The following CDKL1 variants were observed in gnomAD, a reference collection of about 807,000 sequenced individuals.
CDKL1 encodes cyclin-dependent kinase-like 1.
In CDKL1, 41 loss-of-function variants were observed where a neutral mutation model predicts 42.0. That is an observed-to-expected ratio of 0.98 (90% CI 0.76 to 1.27). The LOEUF is 1.27. Ranked by LOEUF, CDKL1 falls within the 50% of genes most tolerant of loss-of-function variation. CDKL1 has a pLI of 0.00. For missense variants in CDKL1, 394 were observed against 428.4 expected (o/e 0.92, Z 0.71); for synonymous variants, 153 against 158.6 (o/e 0.96, Z 0.26).
chr14:50,385,361 T>C (rs2035045563), intron 2 of CDKL1, among the ~76,000 whole-genome samples: 1 of 152,164 alleles, frequency 6.6e-6, no homozygotes, highest in Non-Finnish European at 1.5e-5. Context: ...TTAACCTGTA[T>C]CAAATCATTT....
At chr14:50,353,914 G>C (rs752315385) in intron 3 of CDKL1, among the ~76,000 whole-genome samples, 1 of 151,130 alleles carries the variant, frequency 6.6e-6, no homozygotes, top group Non-Finnish European at 1.5e-5. Flanking sequence ...AATAAATGCA[G>C]AACAGTATGT....
chr14:50,383,940 T>C (rs987455392), intron 2 of CDKL1, among the ~76,000 whole-genome samples: 1 of 152,218 alleles, frequency 6.6e-6, no homozygotes, highest in Non-Finnish European at 1.5e-5. Context: ...ATAATCTTTC[T>C]AGATAAACAC....
intron 2 of CDKL1, among the ~76,000 whole-genome samples, chr14:50,377,312 A>C (rs542566907): frequency 6.6e-6 from 1 of 152,088 alleles, no homozygotes; most frequent in South Asian, 2.1e-4. Flanking sequence ...CCTTGGACCA[A>C]TGGGGGACAG....
chr14:50,332,659 C>T (rs756171129), intron 8 of CDKL1: 7 of 1,532,076 alleles, frequency 4.6e-6, no homozygotes, highest in Non-Finnish European at 6.1e-6. Flanking sequence ...TTTTCTCCAC[C>T]TTATTCTGTT....
chr14:50,387,815 G>A (rs1365674437), intron 2 of CDKL1, among the ~76,000 whole-genome samples: 1 of 152,222 alleles, frequency 6.6e-6, no homozygotes. Flanking sequence ...TTTGAAGAGA[G>A]GGAGCCTAGA....
In CDKL1 at chr14:50,364,513, G is replaced by A. The variant is rs140372295; in HGVS notation, c.169-5364C>T. Among the ~76,000 whole-genome samples the A allele has an allele frequency of 2.3e-3, 346 of 152,256 alleles. 1 individual carries two copies. The Middle Eastern group carries it at 0.048, about 21-fold the overall frequency. On this transcript the variant is annotated intron_variant, in intron 2 of 9. Transcript: ENST00000395834. ...ATTTTAAAAAAGGAAACAAAACTGA[G>A]GTTCTGATAACTGCATGTATTAAAT... is the stretch of plus-strand genomic sequence containing the variant.
At chr14:50,361,642 C>T (rs1595324488) in intron 2 of CDKL1, among the ~76,000 whole-genome samples, 1 of 152,330 alleles carries the variant, frequency 6.6e-6, no homozygotes, top group African/African-American at 2.4e-5. Context: ...GGGTGCTAAT[C>T]CCATTCATGA....
rs552116903 is a variant in CDKL1 at position 50,360,982 on chromosome 14, C to T, written c.169-1833G>A. 5.9e-5 allele frequency among the ~76,000 whole-genome samples: 9 copies of T among 152,266 alleles called. No homozygotes were observed. The South Asian group carries it at 1.9e-3, about 32-fold the overall frequency. On this transcript the variant is annotated intron_variant, in intron 2 of 9. Coordinates refer to ENST00000395834, the MANE Select transcript of CDKL1 (RefSeq NM_004196.7). The stretch of plus-strand genomic sequence containing the variant: ...TGGCTTGCTTCCACCTTTTAGCTAT[C>T]GTGAATAATGCTGCTGTGAGCATGA...
At chr14:50,333,240 A>AT (rs1012338558) in intron 8 of CDKL1, 1 of 152,344 alleles carries the variant, frequency 6.6e-6, no homozygotes, top group Admixed American at 6.5e-5. Context: ...TACTCACAGG[A>AT]TGAGATAGCA....
In CDKL1 at chr14:50,336,323, T is replaced by A. The variant is rs78235907; in HGVS notation, c.739-1702A>T. 427 of 1,125,150 alleles carry A rather than the reference T, an allele frequency of 3.8e-4. 3 individuals carry two copies. In the African/African-American group the frequency reaches 6.6e-3, roughly 17 times the overall value. The allele number at this position is 1,125,150 out of a possible 1,614,324, so 69.7% of individuals were successfully genotyped here. A position where few individuals can be genotyped will look rare whatever the true frequency, so the allele number is the denominator to read the frequency against. ...CAATCTCTGGGAAGCCATGGGAAGCTTCTTACATTTATGAAACCTGGGTTA... is the reference window on the plus strand; with the variant it reads ...CAATCTCTGGGAAGCCATGGGAAGCATCTTACATTTATGAAACCTGGGTTA... On this transcript the variant is annotated intron_variant, in intron 7 of 9. Coordinates refer to ENST00000395834, the MANE Select transcript of CDKL1 (RefSeq NM_004196.7).
rs905217019 is a variant in CDKL1 at position 50,396,313 on chromosome 14, G to C, written c.-445C>G. 3.0e-6 allele frequency: 3 copies of C among 1,008,844 alleles called. No individual in the cohort carries two copies. In the African/African-American group the frequency reaches 5.2e-5, roughly 18 times the overall value. The allele number at this position is 1,008,844 out of a possible 1,614,324, so 62.5% of individuals were successfully genotyped here. ...CTGCACTAGAGCCCCACCCAACGATGAGTGTTTGTCACGGTCCTAGAACAG... is the reference window on the plus strand; with the variant it reads ...CTGCACTAGAGCCCCACCCAACGATCAGTGTTTGTCACGGTCCTAGAACAG... On this transcript the variant is annotated 5_prime_UTR_variant, in exon 2 of 10. Coordinates refer to ENST00000395834, the MANE Select transcript of CDKL1 (RefSeq NM_004196.7).
At chr14:50,344,911 C>T (rs2139409436) in intron 4 of CDKL1, 75 bp downstream of exon 4, 2 of 1,260,670 alleles carry the variant, frequency 1.6e-6, no homozygotes, top group Non-Finnish European at 2.3e-6. Flanking sequence ...AGAAGTGTGA[C>T]ATAAACTTTG....
upstream of CDKL1, chr14:50,397,178 C>T: frequency 2.2e-6 from 3 of 1,366,612 alleles, no homozygotes; most frequent in African/African-American, 1.5e-5. Flanking sequence ...GGAGCCCCTC[C>T]TGAGCGGTCC....
Position 50,329,840 on chromosome 14 carries a change from G to A in CDKL1, c.*234C>T, listed in dbSNP as rs1408297285. 1 of 472,076 alleles carries A rather than the reference G, an allele frequency of 2.1e-6. No individual in the cohort carries two copies. The highest frequency in any genetic ancestry group is 3.7e-6 in the Non-Finnish European group (1 of 269,606). The allele number at this position is 472,076 out of a possible 1,614,324, so 29.2% of individuals were successfully genotyped here. A position where few individuals can be genotyped will look rare whatever the true frequency, so the allele number is the denominator to read the frequency against. ...ATAAGTTCGGCTACTTACATAAACT[G>A]AAATACAAGTGCAACTCCAAACAGG... On this transcript the variant is annotated 3_prime_UTR_variant, in exon 10 of 10. Coordinates refer to ENST00000395834, the MANE Select transcript of CDKL1 (RefSeq NM_004196.7).
chr14:50,345,567 T>C (rs1239081499), intron 3 of CDKL1, among the ~76,000 whole-genome samples: 1 of 152,248 alleles, frequency 6.6e-6, no homozygotes, highest in African/African-American at 2.4e-5. Context: ...TTTTAGATAA[T>C]GAAGACTTTA....
intron 3 of CDKL1, among the ~76,000 whole-genome samples, chr14:50,353,447 T>G (rs1170964079): frequency 2.0e-5 from 3 of 152,164 alleles, no homozygotes; most frequent in Non-Finnish European, 4.4e-5. Context: ...CATTAAGACT[T>G]CATTTCTACA....
At chr14:50,384,042 A>G (rs920779361) in intron 2 of CDKL1, among the ~76,000 whole-genome samples, 2 of 152,242 alleles carry the variant, frequency 1.3e-5, no homozygotes, top group African/African-American at 4.8e-5. Context: ...AATAAAATTC[A>G]ACAGGTCCCC....
rs548995632 is a variant in CDKL1 at position 50,346,811 on chromosome 14, G to A, written c.291-1753C>T. Among the ~76,000 whole-genome samples the A allele has an allele frequency of 5.2e-4, 79 of 151,966 alleles. 1 individual carries two copies. The highest frequency in any genetic ancestry group is 1.9e-3 in the African/African-American group (77 of 41,422). On this transcript the variant is annotated intron_variant, in intron 3 of 9. Coordinates refer to ENST00000395834, the MANE Select transcript of CDKL1 (RefSeq NM_004196.7). ...TTACAGGTGTGTGCCACCACACTCA[G>A]CTAATTTTTGTATTTTTAGTAGAGA...
At chr14:50,378,367 A>G (rs1341489512) in intron 2 of CDKL1, 1 of 1,366,234 alleles carries the variant, frequency 7.3e-7, no homozygotes, top group Non-Finnish European at 9.8e-7. Flanking sequence ...GAATGACAAG[A>G]CCTGCCTCAT....
Sources: gnomAD v4.1 joint callset for allele counts (sites outside exome capture counted in the v4.1 genomes callset) on GRCh38, gnomAD v4.1.1 for gene constraint, MANE v1.5 for transcripts, NCBI Gene and HGNC (gene_info 2026-07-23, HGNC 2026-07-21) for gene names.